The following CDH22 variants were observed in gnomAD, a reference collection of about 807,000 sequenced individuals.
The protein encoded by CDH22 is cadherin-22.
Under a neutral mutation model 58.4 loss-of-function variants are expected in CDH22, and 30 were observed. The observed-to-expected ratio is 0.51, with a 90% CI of 0.38 to 0.70. CDH22 has a LOEUF of 0.70. CDH22 is among the 30% of genes least tolerant of loss of function. The pLI is 0.00. For missense variants in CDH22, 1,014 were observed against 1,233.9 expected (o/e 0.82, Z 2.67); for synonymous variants, 513 against 558.2 (o/e 0.92, Z 1.14).
chr20:46,240,937 C>T (rs759696951), intron 3 of CDH22, 26 bp downstream of exon 3: 6 of 1,594,920 alleles, frequency 3.8e-6, no homozygotes, highest in African/African-American at 2.7e-5. Context: ...TGATCCCATC[C>T]CCCACCCCCA....
At position 46,174,678 on chromosome 20, in the gene CDH22, G is replaced by T; in HGVS notation, c.2315C>A (p.Thr772Asn). 1 of 1,561,010 alleles carries T rather than the reference G, an allele frequency of 6.4e-7. No homozygotes were observed. The highest frequency in any genetic ancestry group is 1.2e-5 in the South Asian group (1 of 85,450). Residue 772 changes from threonine (T) to asparagine (N), a missense_variant, in exon 12 of 12, where the codon ACC becomes AAC. Thr to Asn is a moderately conservative substitution (Grantham distance 65). This residue lies in a region of CDH22 where 208 missense variants were observed against 195.2 expected (regional missense o/e 1.07). Coordinates refer to ENST00000537909, the MANE Select transcript of CDH22 (RefSeq NM_021248.3). This position sits in a 1 kb window ranked among gnomAD's most constrained non-coding sequence, Gnocchi z 4.4. ...LSVPPYDAFQ[T>N]YAFEGADSPA... ...CGAGTCCGCGCCCTCGAAGGCGTAG[G>T]TCTGGAAGGCGTCGTAGGGCGGCAC...
intron 1 of CDH22, among the ~76,000 whole-genome samples, chr20:46,274,931 G>C (rs1276236940): frequency 6.6e-6 from 1 of 152,150 alleles, no homozygotes; most frequent in Non-Finnish European, 1.5e-5. Context: ...ATGGTTGCCT[G>C]GTGCTGGCAG....
At chr20:46,289,366 G>A (rs947124758) in intron 1 of CDH22, among the ~76,000 whole-genome samples, 2 of 152,104 alleles carry the variant, frequency 1.3e-5, no homozygotes, top group African/African-American at 2.4e-5. Context: ...ATTATAAATG[G>A]ATGCCTCCTT....
rs6032706 is a variant in CDH22 at position 46,180,435 on chromosome 20, C to G, written c.1664-2238G>C. ...CAGGCTTGAACTCTAGCTCTCCCCC[C>G]AAAGGATGCGTCAACCCCAGCTGGG... On this transcript the variant is annotated intron_variant, in intron 10 of 11. Coordinates refer to ENST00000537909, the MANE Select transcript of CDH22 (RefSeq NM_021248.3). 9.9e-3 allele frequency among the ~76,000 whole-genome samples: 1,500 copies of G among 152,282 alleles called. 23 individuals carry two copies. Among genetic ancestry groups the G allele is most frequent in the South Asian group, 0.055 (264 of 4,818 alleles).
intron 3 of CDH22, among the ~76,000 whole-genome samples, chr20:46,239,575 G>A (rs2086275977): frequency 6.6e-6 from 1 of 152,256 alleles, no homozygotes; most frequent in Admixed American, 6.5e-5. Flanking sequence ...TCTCCCAGGA[G>A]CTCAAGCACT....
At chr20:46,248,226 G>C (rs533873247) in intron 2 of CDH22, among the ~76,000 whole-genome samples, 2 of 152,206 alleles carry the variant, frequency 1.3e-5, no homozygotes, top group African/African-American at 2.4e-5. Context: ...AGCTCATGCT[G>C]TTGAGGTGAT....
At chr20:46,206,688 A>C (rs2086004026) in intron 7 of CDH22, among the ~76,000 whole-genome samples, 1 of 152,172 alleles carries the variant, frequency 6.6e-6, no homozygotes. Flanking sequence ...CTGTGGCCCC[A>C]ATCCCTCCTT....
chr20:46,180,449 A>G (rs2085776684), intron 10 of CDH22, among the ~76,000 whole-genome samples: 1 of 152,138 alleles, frequency 6.6e-6, no homozygotes, highest in Non-Finnish European at 1.5e-5. Flanking sequence ...GGATGCGTCA[A>G]CCCCAGCTGG....
At chr20:46,256,837 CAAAAAACTATTT>C (rs2086408934) in intron 1 of CDH22, among the ~76,000 whole-genome samples, 1 of 151,814 alleles carries the variant, frequency 6.6e-6, no homozygotes, top group Non-Finnish European at 1.5e-5. Context: ...CCTGTCTCTA[CAAAAAACTATTT>C]AAAAAAATTA....
chr20:46,247,955 T>G (rs1257026443), intron 2 of CDH22, among the ~76,000 whole-genome samples: 2 of 152,118 alleles, frequency 1.3e-5, no homozygotes, highest in African/African-American at 4.8e-5. Context: ...TGGGGACTGG[T>G]TGCTGGGGGA....
chr20:46,289,637 A>G (rs1013592877), intron 1 of CDH22, among the ~76,000 whole-genome samples: 2 of 152,182 alleles, frequency 1.3e-5, no homozygotes, highest in African/African-American at 2.4e-5. Flanking sequence ...TGCTCATCAA[A>G]TGTTTGAATA....
At chr20:46,305,145 C>T (rs2086668931) in intron 1 of CDH22, among the ~76,000 whole-genome samples, 1 of 152,242 alleles carries the variant, frequency 6.6e-6, no homozygotes, top group Non-Finnish European at 1.5e-5. Flanking sequence ...ATACACAGAG[C>T]TCAAATCACT....
chr20:46,182,451 C>T (rs540666452), intron 10 of CDH22, among the ~76,000 whole-genome samples: 7 of 152,172 alleles, frequency 4.6e-5, no homozygotes, highest in Non-Finnish European at 1.0e-4. Context: ...GAGAAATGAG[C>T]GGCTGGCTCC....
intron 6 of CDH22, among the ~76,000 whole-genome samples, chr20:46,211,221 G>A (rs1045993027): frequency 2.6e-5 from 4 of 152,214 alleles, no homozygotes; most frequent in Admixed American, 6.5e-5. Context: ...AGCTCTGACC[G>A]TCTAAAGACA....
At chr20:46,293,517 C>T (rs1327147455) in intron 1 of CDH22, among the ~76,000 whole-genome samples, 1 of 151,982 alleles carries the variant, frequency 6.6e-6, no homozygotes, top group African/African-American at 2.4e-5. Context: ...AGGGGGAGAA[C>T]TTTGGAATTC....
intron 8 of CDH22, 133 bp downstream of exon 8, chr20:46,199,290 C>T (rs1036469044): frequency 1.7e-5 from 18 of 1,086,822 alleles, no homozygotes; most frequent in Middle Eastern, 3.0e-4. Context: ...CCATCCCCAA[C>T]CTTTGGCCCC....
At chr20:46,192,919 C>G (rs1350842613) in intron 8 of CDH22, among the ~76,000 whole-genome samples, 1 of 152,032 alleles carries the variant, frequency 6.6e-6, no homozygotes, top group Non-Finnish European at 1.5e-5. Flanking sequence ...CCCCATGCCC[C>G]CCCCCAGTGG....
intron 1 of CDH22, among the ~76,000 whole-genome samples, chr20:46,303,023 C>T (rs1485290110): frequency 2.0e-5 from 3 of 152,164 alleles, no homozygotes; most frequent in Non-Finnish European, 4.4e-5. Flanking sequence ...CTTCTAATGG[C>T]GAATCTCCAC....
At chr20:46,257,204 G>T (rs2086410732) in intron 1 of CDH22, among the ~76,000 whole-genome samples, 2 of 152,012 alleles carry the variant, frequency 1.3e-5, no homozygotes. Context: ...AGCTACTCAG[G>T]AGTCTGAGGT....
Sources: allele counts gnomAD v4.1 joint callset (sites outside exome capture counted in the v4.1 genomes callset), GRCh38; gene constraint gnomAD v4.1.1; regional missense constraint gnomAD v4.1.1; non-coding constraint Gnocchi (gnomAD v3.1); transcripts MANE v1.5; gene names NCBI Gene and HGNC (gene_info 2026-07-23, HGNC 2026-07-21).